The following SLCO5A1 variants were observed in gnomAD, a reference collection of about 807,000 sequenced individuals.
SLCO5A1 encodes the protein organic anion transporter polypeptide-related protein 4.
SLCO5A1 carries 39 observed loss-of-function variants against 65.1 expected under a neutral mutation model. The observed-to-expected ratio is 0.60, with a 90% confidence interval of 0.46 to 0.78. The LOEUF (loss-of-function observed/expected upper bound fraction) is 0.78. Ranked by LOEUF, SLCO5A1 falls within the 30% of genes least tolerant of loss-of-function variation. The pLI, the probability that SLCO5A1 is intolerant of heterozygous loss-of-function variation, is 0.00. For missense variants in SLCO5A1, 1,029 were observed against 1,069.4 expected (o/e 0.96, Z 0.53); for synonymous variants, 438 against 415.7 (o/e 1.05, Z -0.65).
chr8:69,702,959 A>G (rs1814809406), intron 6 of SLCO5A1, among the ~76,000 whole-genome samples: 1 of 151,774 alleles, frequency 6.6e-6, no homozygotes, highest in Non-Finnish European at 1.5e-5. Flanking sequence ...AAATACAAAA[A>G]ATTAGCCAGA....
Position 69,802,898 on chromosome 8 carries a change from A to G in SLCO5A1, c.907+28869T>C, listed in dbSNP as rs1819813237. Reference sequence around the variant, plus strand: ...AGCACAGAGGCTCCCAGAGGCGAGAACTTCATCTTGTGCATCAGCATAACC... The same window carrying G: ...AGCACAGAGGCTCCCAGAGGCGAGAGCTTCATCTTGTGCATCAGCATAACC... On this transcript the variant is annotated intron_variant, in intron 2 of 9. Transcript: ENST00000260126. 2.0e-5 allele frequency among the ~76,000 whole-genome samples: 3 copies of G among 152,330 alleles called. No homozygotes were observed. In the South Asian group the frequency reaches 6.2e-4, roughly 32 times the overall value.
intron 4 of SLCO5A1, among the ~76,000 whole-genome samples, chr8:69,742,429 A>G (rs1217952567): frequency 1.3e-5 from 2 of 152,230 alleles, no homozygotes; most frequent in Non-Finnish European, 2.9e-5. Context: ...ATTTTTGATC[A>G]TTTAATGCTA....
At chr8:69,748,326 T>A (rs1334601496) in intron 4 of SLCO5A1, among the ~76,000 whole-genome samples, 1 of 152,218 alleles carries the variant, frequency 6.6e-6, no homozygotes, top group Non-Finnish European at 1.5e-5. Flanking sequence ...TCTAAGGAGA[T>A]GCTACTTTGA....
chr8:69,814,243 T>C (rs747929599), intron 2 of SLCO5A1, among the ~76,000 whole-genome samples: 2 of 152,012 alleles, frequency 1.3e-5, no homozygotes, highest in Non-Finnish European at 2.9e-5. Context: ...CAATTAACAG[T>C]GTGCACAGAC....
chr8:69,781,427 C>T (rs2130882870), intron 2 of SLCO5A1, among the ~76,000 whole-genome samples: 1 of 152,312 alleles, frequency 6.6e-6, no homozygotes, highest in Non-Finnish European at 1.5e-5. Flanking sequence ...TTAAGTAAGG[C>T]TGCCTGCACT....
chr8:69,804,380 C>T (rs1320583439), intron 2 of SLCO5A1, among the ~76,000 whole-genome samples: 1 of 152,200 alleles, frequency 6.6e-6, no homozygotes, highest in African/African-American at 2.4e-5. Context: ...GTGGCACAAT[C>T]TCGGCTCACT....
intron 4 of SLCO5A1, among the ~76,000 whole-genome samples, chr8:69,749,170 A>C (rs1325449709): frequency 6.6e-6 from 1 of 152,142 alleles, no homozygotes; most frequent in Non-Finnish European, 1.5e-5. Context: ...GAGCATATGC[A>C]ATGGTTCTGG....
chr8:69,827,582 G>A (rs7833228), intron 2 of SLCO5A1, among the ~76,000 whole-genome samples: 77,862 of 151,944 alleles, frequency 0.51, 20,109 homozygotes, highest in African/African-American at 0.57. Flanking sequence ...GTTTCTGCTC[G>A]TAATTACTAA....
At chr8:69,792,936 T>A (rs559187433) in intron 2 of SLCO5A1, among the ~76,000 whole-genome samples, 1 of 152,170 alleles carries the variant, frequency 6.6e-6, no homozygotes, top group African/African-American at 2.4e-5. Flanking sequence ...AAGGTTTTTT[T>A]TCGTTTGTTT....
intron 8 of SLCO5A1, among the ~76,000 whole-genome samples, chr8:69,678,541 TA>T (rs2130786125): frequency 6.6e-6 from 1 of 152,326 alleles, no homozygotes; most frequent in South Asian, 2.1e-4. Flanking sequence ...TAAGCTCTAA[TA>T]AACTTTGTAA....
At chr8:69,686,654 G>A (rs147286744) in intron 6 of SLCO5A1, among the ~76,000 whole-genome samples, 183 of 152,294 alleles carry the variant, frequency 1.2e-3, no homozygotes, top group African/African-American at 4.1e-3. Context: ...CAGCTAGTAA[G>A]GGTCAGAAAT....
intron 2 of SLCO5A1, among the ~76,000 whole-genome samples, chr8:69,803,971 A>G (rs888396510): frequency 8.5e-5 from 13 of 152,058 alleles, no homozygotes; most frequent in Admixed American, 6.6e-5. Context: ...TGAGTTCCAC[A>G]CCCCCTTCCT....
intron 5 of SLCO5A1, among the ~76,000 whole-genome samples, chr8:69,719,915 G>A (rs2933030): frequency 0.56 from 85,175 of 152,018 alleles, 24,386 homozygotes; most frequent in South Asian, 0.69. Context: ...CCGCTGAGCC[G>A]GTGTACACAT....
intron 2 of SLCO5A1, among the ~76,000 whole-genome samples, chr8:69,778,245 G>GTA (rs1818651041): frequency 6.6e-6 from 1 of 151,872 alleles, no homozygotes; most frequent in Admixed American, 6.6e-5. Flanking sequence ...GTGTGTGTGT[G>GTA]TGTGTGTGTG....
At chr8:69,824,379 G>C (rs1563377206) in intron 2 of SLCO5A1, among the ~76,000 whole-genome samples, 1 of 152,092 alleles carries the variant, frequency 6.6e-6, no homozygotes, top group Non-Finnish European at 1.5e-5. Context: ...TAGACCGCTA[G>C]CAAGACTAAT....
intron 6 of SLCO5A1, among the ~76,000 whole-genome samples, chr8:69,683,217 A>G (rs888219583): frequency 2.0e-5 from 3 of 152,182 alleles, no homozygotes; most frequent in African/African-American, 7.2e-5. Context: ...GGCGCTCTGT[A>G]CTGCTCGTAC....
chr8:69,698,134 G>T (rs1304558464), intron 6 of SLCO5A1, among the ~76,000 whole-genome samples: 1 of 152,190 alleles, frequency 6.6e-6, no homozygotes, highest in Non-Finnish European at 1.5e-5. Flanking sequence ...GTGTTAGTTT[G>T]CTTAGGATGA....
chr8:69,820,843 T>C (rs554777685), intron 2 of SLCO5A1, among the ~76,000 whole-genome samples: 98 of 152,328 alleles, frequency 6.4e-4, no homozygotes, highest in African/African-American at 2.0e-3. Flanking sequence ...CATGTGTATG[T>C]ATGCACACAT....
At position 69,736,526 on chromosome 8, in the gene SLCO5A1, A is replaced by C. The variant is rs140562304; in HGVS notation, c.1423+1514T>G. On this transcript the variant is annotated intron_variant, in intron 5 of 9. Transcript: ENST00000260126. ...CCTAGTCTGGCTGGAACTGGGGCAC[A>C]CAGTATGGCTTCCCTATGTGTATCC... is the stretch of plus-strand genomic sequence containing the variant. Among the ~76,000 whole-genome samples, 79 of 152,282 alleles carry C rather than the reference A, an allele frequency of 5.2e-4. 1 individual carries two copies. The South Asian group carries it at 9.3e-3, about 18-fold the overall frequency.
Sources: allele counts gnomAD v4.1 joint callset (sites outside exome capture counted in the v4.1 genomes callset), GRCh38; gene constraint gnomAD v4.1.1; transcripts MANE v1.5; gene names NCBI Gene and HGNC (gene_info 2026-07-23, HGNC 2026-07-21).